DCAF5: variants seen among roughly 807,000 people sequenced by gnomAD.
The protein encoded by DCAF5 is DDB1- and CUL4-associated factor 5.
In DCAF5, 9 loss-of-function variants were observed where a neutral mutation model predicts 80.7. The ratio of observed to expected loss-of-function variants is 0.11; its 90% CI spans 0.07 to 0.19. The LOEUF (loss-of-function observed/expected upper bound fraction) is 0.19. DCAF5 is among the 10% of genes least tolerant of loss of function. The pLI is 1.00. For synonymous variants in DCAF5, 433 were observed against 461.9 expected (o/e 0.94, Z 0.80); for missense variants, 842 against 1,205.7 (o/e 0.70, Z 4.47).
At chr14:69,060,875 A>C (rs746868695) in intron 8 of DCAF5, among the ~76,000 whole-genome samples, 2 of 152,154 alleles carry the variant, frequency 1.3e-5, no homozygotes, top group Admixed American at 1.3e-4. Flanking sequence ...ATGAAGTACA[A>C]TTTGATTTAG....
chr14:69,066,898 C>A (rs2038464787), intron 7 of DCAF5, among the ~76,000 whole-genome samples: 1 of 152,184 alleles, frequency 6.6e-6, no homozygotes, highest in South Asian at 2.1e-4. Context: ...TGAAGTCCTC[C>A]AAGAATGAGT....
intron 1 of DCAF5, among the ~76,000 whole-genome samples, chr14:69,134,654 A>C (rs2041137213): frequency 1.3e-5 from 2 of 152,248 alleles, no homozygotes; most frequent in African/African-American, 4.8e-5. Flanking sequence ...ATCAGTCTAA[A>C]GGAAGACTAC....
intron 5 of DCAF5, among the ~76,000 whole-genome samples, chr14:69,097,563 C>T (rs1191000365): frequency 1.3e-5 from 2 of 149,524 alleles, no homozygotes; most frequent in Non-Finnish European, 3.0e-5. Context: ...TCATCACCCA[C>T]TGGATTATTA....
chr14:69,124,993 A>C (rs889098890), intron 1 of DCAF5, among the ~76,000 whole-genome samples: 26 of 152,174 alleles, frequency 1.7e-4, no homozygotes, highest in Admixed American at 1.6e-3. Flanking sequence ...CAGTTTCATC[A>C]AACATAAAAT....
At chr14:69,120,262 AT>A (rs951077834) in intron 2 of DCAF5, among the ~76,000 whole-genome samples, 9 of 151,506 alleles carry the variant, frequency 5.9e-5, no homozygotes, top group African/African-American at 9.7e-5. Flanking sequence ...TAAAAAAAAA[AT>A]TTTTTTTGTA....
intron 5 of DCAF5, among the ~76,000 whole-genome samples, chr14:69,093,300 A>G (rs1416671962): frequency 2.6e-5 from 4 of 152,354 alleles, no homozygotes; most frequent in Non-Finnish European, 5.9e-5. Flanking sequence ...TGTCTCATGC[A>G]GACATTATTG....
chr14:69,131,318 C>T (rs1424983146), intron 1 of DCAF5, among the ~76,000 whole-genome samples: 1 of 152,012 alleles, frequency 6.6e-6, no homozygotes, highest in Non-Finnish European at 1.5e-5. Context: ...TTCTTCTCAG[C>T]CCATTTATTC....
At chr14:69,136,497 C>T (rs1028301045) in intron 1 of DCAF5, among the ~76,000 whole-genome samples, 2 of 152,118 alleles carry the variant, frequency 1.3e-5, no homozygotes, top group Admixed American at 6.5e-5. Context: ...CAGATACACA[C>T]AGATTTGAGA....
chr14:69,067,260 A>G (rs1210773292), intron 7 of DCAF5, among the ~76,000 whole-genome samples: 4 of 152,112 alleles, frequency 2.6e-5, no homozygotes, highest in African/African-American at 9.7e-5. Context: ...CATGCAGGAA[A>G]AAAAAATCTT....
At position 69,152,718 on chromosome 14, in the gene DCAF5, C is replaced by CT; in HGVS notation, c.214+46dup. 7.2e-7 allele frequency: 1 copy of CT among 1,382,524 alleles called. No homozygotes were observed. 85.6% of individuals were successfully genotyped at this position (1,382,524 alleles called of 1,614,324 possible). ...GACGGGGGAGAGCGAGAGGGGGAGGCTGGGAGGGTGCGGGGAGGCGCGGGG... is the reference window on the plus strand; with the variant it reads ...GACGGGGGAGAGCGAGAGGGGGAGGCTTGGGAGGGTGCGGGGAGGCGCGGGG... On this transcript the variant is annotated intron_variant, in intron 1 of 8. Transcript: ENST00000341516. This position sits in a 1 kb window ranked among gnomAD's most constrained non-coding sequence, Gnocchi z 4.1.
chr14:69,114,505 T>C (rs1029644259), intron 5 of DCAF5, among the ~76,000 whole-genome samples: 1 of 152,190 alleles, frequency 6.6e-6, no homozygotes, highest in Non-Finnish European at 1.5e-5. Context: ...TTTTAAAGGA[T>C]GCATATGCAT....
intron 2 of DCAF5, 39 bp downstream of exon 2, chr14:69,122,178 A>G (rs2040743367): frequency 6.3e-7 from 1 of 1,593,194 alleles, no homozygotes; most frequent in East Asian, 2.3e-5. Flanking sequence ...TAAAATCCCA[A>G]CCACAGTGAC....
At chr14:69,095,657 A>T (rs1205834709) in intron 5 of DCAF5, among the ~76,000 whole-genome samples, 2 of 152,258 alleles carry the variant, frequency 1.3e-5, no homozygotes, top group Non-Finnish European at 2.9e-5. Context: ...TGGGAACACA[A>T]GAGAAACAGG....
At chr14:69,056,585 T>C (rs2037980199) in intron 8 of DCAF5, among the ~76,000 whole-genome samples, 1 of 152,220 alleles carries the variant, frequency 6.6e-6, no homozygotes, top group African/African-American at 2.4e-5. Context: ...CCTGTAGTCA[T>C]GGCAACTCAG....
chr14:69,080,008 G>A (rs960128621), intron 6 of DCAF5, among the ~76,000 whole-genome samples: 1 of 152,116 alleles, frequency 6.6e-6, no homozygotes, highest in African/African-American at 2.4e-5. Flanking sequence ...GAGCCCTGAA[G>A]GAAATGAGGC....
intron 6 of DCAF5, among the ~76,000 whole-genome samples, chr14:69,088,496 A>C (rs762163239): frequency 4.6e-5 from 7 of 152,218 alleles, no homozygotes; most frequent in Non-Finnish European, 1.0e-4. Flanking sequence ...TTTTGAGGCT[A>C]ATGAATTACC....
intron 1 of DCAF5, among the ~76,000 whole-genome samples, chr14:69,145,225 C>G (rs2041502767): frequency 6.6e-6 from 1 of 152,106 alleles, no homozygotes; most frequent in African/African-American, 2.4e-5. Flanking sequence ...GCTATGTTAA[C>G]CAGGCTGATC....
chr14:69,129,466 G>A (rs573921683), intron 1 of DCAF5, among the ~76,000 whole-genome samples: 2 of 152,302 alleles, frequency 1.3e-5, no homozygotes, highest in East Asian at 3.9e-4. Context: ...CTAAACAGCT[G>A]TGCCCAAGCC....
chr14:69,071,470 G>A (rs2038690869), intron 7 of DCAF5, among the ~76,000 whole-genome samples: 1 of 152,072 alleles, frequency 6.6e-6, no homozygotes, highest in Non-Finnish European at 1.5e-5. Flanking sequence ...AATGCTGACT[G>A]CTTGTCATCT....
Sources: gnomAD v4.1 joint callset for allele counts (sites outside exome capture counted in the v4.1 genomes callset) on GRCh38, gnomAD v4.1.1 for gene constraint, Gnocchi (gnomAD v3.1) non-coding constraint, MANE v1.5 for transcripts, NCBI Gene and HGNC (gene_info 2026-07-23, HGNC 2026-07-21) for gene names.